Variants in TIAM1 observed in about 807,000 individuals in gnomAD.
TIAM1 encodes rho guanine nucleotide exchange factor TIAM1.
Under a neutral mutation model 163.5 loss-of-function variants are expected in TIAM1, and 65 were observed. The ratio of observed to expected loss-of-function variants is 0.40; its 90% CI spans 0.33 to 0.49. The LOEUF is 0.49. Among genes scored for constraint, TIAM1 ranks in the 20% least tolerant of loss-of-function variants. The probability of loss-of-function intolerance (pLI) is 0.77; values close to 1 mark genes in which losing one functional copy is unlikely to be tolerated. For missense variants in TIAM1, 1,789 were observed against 2,044.7 expected (o/e 0.87, Z 2.41); for synonymous variants, 833 against 810.1 (o/e 1.03, Z -0.48).
At chr21:31,557,817 G>A (rs1347671195) in intron 1 of TIAM1, among the ~76,000 whole-genome samples, 2 of 152,166 alleles carry the variant, frequency 1.3e-5, no homozygotes, top group African/African-American at 2.4e-5. Flanking sequence ...CCGGGGGCAA[G>A]ACCAGGAGAC....
chr21:31,295,645 T>A (rs2074229538), intron 2 of TIAM1, among the ~76,000 whole-genome samples: 2 of 152,030 alleles, frequency 1.3e-5, no homozygotes, highest in Non-Finnish European at 2.9e-5. Context: ...GATGAACAGT[T>A]AACAGGTTAT....
intron 16 of TIAM1, among the ~76,000 whole-genome samples, chr21:31,162,705 G>C (rs548703996): frequency 1.3e-5 from 2 of 149,880 alleles, no homozygotes; most frequent in Admixed American, 1.3e-4. Context: ...GCAGTGGCGC[G>C]ATCTTGACTC....
intron 2 of TIAM1, among the ~76,000 whole-genome samples, chr21:31,321,414 G>A (rs998331385): frequency 3.3e-5 from 5 of 152,050 alleles, no homozygotes; most frequent in East Asian, 1.9e-4. Flanking sequence ...GTGCAATGGC[G>A]CGATCTTGGC....
chr21:31,392,500 G>A (rs1197925119), intron 2 of TIAM1, among the ~76,000 whole-genome samples: 1 of 149,246 alleles, frequency 6.7e-6, no homozygotes, highest in African/African-American at 2.5e-5. Flanking sequence ...AACCCGGGAG[G>A]CAAAGGTTGT....
At chr21:31,130,397 AG>A in intron 24 of TIAM1, 82 bp from the exon 25 acceptor site, 2 of 1,118,762 alleles carry the variant, frequency 1.8e-6, no homozygotes, top group South Asian at 1.2e-5. Flanking sequence ...AACCAGCGAC[AG>A]ACTCTCACGC....
chr21:31,337,960 A>T (rs1338411522), intron 2 of TIAM1, among the ~76,000 whole-genome samples: 1 of 152,142 alleles, frequency 6.6e-6, no homozygotes, highest in Non-Finnish European at 1.5e-5. Context: ...GGGTGCCCTT[A>T]GGGACTGGAT....
rs1377948763 is a variant in TIAM1 at position 31,134,115 on chromosome 21, C to T, written c.3883+1818G>A. Among the ~76,000 whole-genome samples the T allele has an allele frequency of 3.3e-5, 5 of 152,144 alleles. 1 individual carries two copies. The highest frequency in any genetic ancestry group is 3.4e-3 in the Middle Eastern group (1 of 294). Reference sequence around the variant, plus strand: ...ACAAAACGAAACAGAAAAGAGTTTGCCAACCCATTTTCTCCTACTTAAATT... The same window carrying T: ...ACAAAACGAAACAGAAAAGAGTTTGTCAACCCATTTTCTCCTACTTAAATT... On this transcript the variant is annotated intron_variant, in intron 23 of 27. Coordinates refer to ENST00000541036, the MANE Select transcript of TIAM1 (RefSeq NM_001353694.2).
At chr21:31,292,827 C>G (rs2074080219) in intron 2 of TIAM1, among the ~76,000 whole-genome samples, 1 of 151,974 alleles carries the variant, frequency 6.6e-6, no homozygotes, top group Non-Finnish European at 1.5e-5. Context: ...CACCACCACG[C>G]CTGGCTAATT....
chr21:31,552,637 G>C (rs143261511), intron 1 of TIAM1, among the ~76,000 whole-genome samples: 1 of 152,242 alleles, frequency 6.6e-6, no homozygotes, highest in African/African-American at 2.4e-5. Context: ...AGCCAGGCAT[G>C]GTGGTAGGCG....
intron 2 of TIAM1, among the ~76,000 whole-genome samples, chr21:31,298,703 A>G (rs569541741): frequency 2.7e-5 from 4 of 149,866 alleles, no homozygotes; most frequent in African/African-American, 7.4e-5. Flanking sequence ...CTTCTTACTC[A>G]CCAAGCATGG....
intron 16 of TIAM1, among the ~76,000 whole-genome samples, chr21:31,157,362 C>T (rs1322282316): frequency 2.0e-5 from 3 of 152,234 alleles, no homozygotes; most frequent in Non-Finnish European, 4.4e-5. Context: ...CTCCTACCAT[C>T]ATGCAGTTCA....
intron 2 of TIAM1, among the ~76,000 whole-genome samples, chr21:31,360,920 C>T (rs1328579396): frequency 6.6e-6 from 1 of 152,114 alleles, no homozygotes; most frequent in Non-Finnish European, 1.5e-5. Context: ...TTTCTGAGGG[C>T]ATAATGCAAG....
chr21:31,349,913 G>A (rs1011712959), intron 2 of TIAM1, among the ~76,000 whole-genome samples: 11 of 152,238 alleles, frequency 7.2e-5, no homozygotes, highest in African/African-American at 2.7e-4. Flanking sequence ...ACAGGCTTTG[G>A]ACTGGGCACA....
chr21:31,558,466 C>T (rs989767363), intron 1 of TIAM1, among the ~76,000 whole-genome samples: 1 of 152,102 alleles, frequency 6.6e-6, no homozygotes, highest in Admixed American at 6.5e-5. Context: ...CCCGGAGGTG[C>T]CTAAGTCAGG....
At chr21:31,400,849 G>A (rs2077152746) in intron 2 of TIAM1, among the ~76,000 whole-genome samples, 1 of 151,786 alleles carries the variant, frequency 6.6e-6, no homozygotes, top group African/African-American at 2.4e-5. Context: ...CCAGCACTTT[G>A]GGAGGCCGAG....
chr21:31,175,702 G>T (rs906858431), intron 15 of TIAM1, among the ~76,000 whole-genome samples: 1 of 151,944 alleles, frequency 6.6e-6, no homozygotes, highest in African/African-American at 2.4e-5. Flanking sequence ...AGGTTCAAGA[G>T]AGTCTCCTGC....
At chr21:31,473,637 TA>T (rs1413719384) in intron 1 of TIAM1, among the ~76,000 whole-genome samples, 3 of 151,716 alleles carry the variant, frequency 2.0e-5, no homozygotes, top group Non-Finnish European at 4.4e-5. Context: ...AATAAACCTT[TA>T]GCAGGGGCAC....
intron 10 of TIAM1, among the ~76,000 whole-genome samples, chr21:31,211,137 C>T (rs977766180): frequency 2.0e-5 from 3 of 152,138 alleles, no homozygotes; most frequent in Non-Finnish European, 2.9e-5. Context: ...GCCTCCTTTG[C>T]TGCCATCACT....
intron 1 of TIAM1, among the ~76,000 whole-genome samples, chr21:31,500,060 G>A (rs187379911): frequency 4.0e-5 from 6 of 151,532 alleles, no homozygotes; most frequent in Admixed American, 3.9e-4. Context: ...CAGCTACTCA[G>A]AGGCTGAGGC....
Sources: allele counts gnomAD v4.1 joint callset (sites outside exome capture counted in the v4.1 genomes callset), GRCh38; gene constraint gnomAD v4.1.1; transcripts MANE v1.5; gene names NCBI Gene and HGNC (gene_info 2026-07-23, HGNC 2026-07-21).